NIN: variants seen among roughly 807,000 people sequenced by gnomAD.
NIN encodes ninein, also known as glycogen synthase kinase 3 beta-interacting protein.
In NIN, 137 loss-of-function variants were observed where a neutral mutation model predicts 257.6. That is an observed-to-expected ratio of 0.53 (90% CI 0.46 to 0.61). The LOEUF (loss-of-function observed/expected upper bound fraction) is 0.61. Among genes scored for constraint, NIN ranks in the 20% least tolerant of loss-of-function variants. The pLI is 0.00. For synonymous variants in NIN, 918 were observed against 919.8 expected, an observed-to-expected ratio of 1.00 and a Z score of 0.04; for missense variants, 2,439 against 2,501.2, an observed-to-expected ratio of 0.98 and a Z score of 0.53.
chr14:50,784,245 C>A (rs1013830495), intron 5 of NIN, among the ~76,000 whole-genome samples: 6 of 152,170 alleles, frequency 3.9e-5, no homozygotes, highest in African/African-American at 1.4e-4. Flanking sequence ...GACATGGAGT[C>A]ATATGCTTGG....
chr14:50,771,700 T>C (rs1222368035), intron 9 of NIN, among the ~76,000 whole-genome samples: 1 of 151,924 alleles, frequency 6.6e-6, no homozygotes, highest in Non-Finnish European at 1.5e-5. Context: ...AAAAAAATTA[T>C]CTTGGCCAGG....
chr14:50,794,954 T>C (rs10137294), intron 4 of NIN, among the ~76,000 whole-genome samples: 33,472 of 152,084 alleles, frequency 0.22, 5,154 homozygotes, highest in African/African-American at 0.44. Flanking sequence ...AGGTAACAGA[T>C]TGTGAGCCAG....
At chr14:50,826,421 C>T (rs116401618) in intron 2 of NIN, among the ~76,000 whole-genome samples, 1 of 152,164 alleles carries the variant, frequency 6.6e-6, no homozygotes, top group Non-Finnish European at 1.5e-5. Flanking sequence ...CACTCAATAA[C>T]CACCCATAAT....
intron 7 of NIN, among the ~76,000 whole-genome samples, chr14:50,775,157 C>T (rs999595586): frequency 6.6e-5 from 10 of 152,058 alleles, no homozygotes; most frequent in Non-Finnish European, 1.5e-4. Context: ...ATCTTACTGC[C>T]CATAAAATGG....
rs1484082290 is a variant in NIN, at chr14:50,757,388, A to G, written c.3642T>C (p.Cys1214=). ...QEQLMMLCAD[C]DRASEKKQDL... ...CCTGTTTCTTTTCAGAAGCTCGATC[A>G]CAGTCCGCACATAACATCATTAGCT... Residue 1214 remains cysteine, a synonymous_variant, in exon 18 of 31, where the codon TGT becomes TGC. Transcript: ENST00000530997. 8 of 1,614,022 alleles carry G rather than the reference A, an allele frequency of 5.0e-6. No homozygotes were observed. The highest frequency in any genetic ancestry group is 6.8e-6 in the Non-Finnish European group (8 of 1,180,042).
intron 4 of NIN, among the ~76,000 whole-genome samples, chr14:50,805,357 A>C (rs917568217): frequency 6.6e-6 from 1 of 152,218 alleles, no homozygotes; most frequent in Non-Finnish European, 1.5e-5. Flanking sequence ...TGGAAACGCT[A>C]ATGTTTGTCT....
chr14:50,752,731 A>T lies in NIN; in HGVS notation c.4737T>A (p.Ile1579=). The change falls in exon 21 of 31, where the codon ATT becomes ATA. Residue 1579 remains isoleucine, a splice_region_variant and synonymous_variant. Transcript: ENST00000530997. The part of the protein sequence containing the change: ...QKMVENLKKQ[I]SELKIKNQQL... ...GTTGGTTTTTGATTTTTAATTCTGA[A>T]ATCTAATTAAAATTAAAATAAGTTT... is the stretch of plus-strand genomic sequence containing the variant. 1.3e-6 allele frequency: 2 copies of T among 1,541,500 alleles called. No homozygotes were observed. The highest frequency in any genetic ancestry group is 8.8e-7 in the Non-Finnish European group (1 of 1,131,568).
intron 5 of NIN, among the ~76,000 whole-genome samples, chr14:50,791,807 G>GCACACACAAACACACACA (rs57083345): frequency 0.015 from 1,698 of 116,742 alleles, 14 homozygotes; most frequent in East Asian, 0.026. Context: ...AGGTGCACGC[G>GCACACACAAACACACACA]CACACACACA....
chr14:50,772,841 C>T, intron 8 of NIN, 108 bp downstream of exon 8: 3 of 911,694 alleles, frequency 3.3e-6, no homozygotes, highest in Admixed American at 2.8e-5. Flanking sequence ...TTTTGCTTCC[C>T]TCTCTTTCCT....
At chr14:50,812,185 G>A (rs1454884277) in intron 3 of NIN, among the ~76,000 whole-genome samples, 9 of 152,146 alleles carry the variant, frequency 5.9e-5, no homozygotes, top group Middle Eastern at 3.2e-3. Context: ...CGATATTATC[G>A]TAGGTTCATT....
At chr14:50,820,555 C>T (rs992661288) in intron 3 of NIN, among the ~76,000 whole-genome samples, 30 of 152,182 alleles carry the variant, frequency 2.0e-4, no homozygotes, top group African/African-American at 7.2e-4. Flanking sequence ...TTTTTGCTAC[C>T]CACAGAGTCT....
chr14:50,748,530 G>C (rs1377761650), intron 21 of NIN, among the ~76,000 whole-genome samples: 1 of 152,180 alleles, frequency 6.6e-6, no homozygotes, highest in African/African-American at 2.4e-5. Context: ...GGAAGTCAGA[G>C]TGTCTCTGTT....
Position 50,759,994 on chromosome 14 carries a change from C to T in NIN, c.2262G>A (p.Lys754=). Residue 754 remains lysine (K), a synonymous_variant, in exon 17 of 31, where the codon AAG becomes AAA. Coordinates refer to ENST00000530997, the MANE Select transcript of NIN (RefSeq NM_020921.4). The part of the protein sequence containing the change: ...GLQSSAWTEE[K]VRGLTQELEQ... ...CTAGTTCCTGAGTCAAGCCTCTCAC[C>T]TTCTCTTCTGTCCAGGCGCTACTCT... is the stretch of plus-strand genomic sequence containing the variant. 6.2e-7 allele frequency: 1 copy of T among 1,614,204 alleles called. No homozygotes were observed. Among genetic ancestry groups the T allele is most frequent in the Non-Finnish European group, 8.5e-7 (1 of 1,180,040 alleles).
intron 23 of NIN, 125 bp from the exon 24 acceptor site, chr14:50,743,654 G>C (rs185262650): frequency 1.7e-6 from 1 of 588,154 alleles, no homozygotes; most frequent in Non-Finnish European, 3.1e-6. Context: ...AGCAGGGCAA[G>C]GTCAAAGGAA....
intron 3 of NIN, among the ~76,000 whole-genome samples, chr14:50,815,541 T>A (rs1316425722): frequency 6.6e-6 from 1 of 152,196 alleles, no homozygotes; most frequent in African/African-American, 2.4e-5. Flanking sequence ...CATTACTAAG[T>A]ATATACCCAA....
chr14:50,765,348 T>C (rs953365141), intron 14 of NIN, among the ~76,000 whole-genome samples: 2 of 152,214 alleles, frequency 1.3e-5, no homozygotes, highest in Non-Finnish European at 2.9e-5. Flanking sequence ...AAAATACCTC[T>C]ATTTAATTAG....
chr14:50,805,127 A>C (rs2044264569), intron 4 of NIN, among the ~76,000 whole-genome samples: 1 of 152,256 alleles, frequency 6.6e-6, no homozygotes, highest in African/African-American at 2.4e-5. Context: ...ACATAAAAGC[A>C]CATTATCAGC....
intron 4 of NIN, among the ~76,000 whole-genome samples, chr14:50,793,542 T>C (rs1051181714): frequency 6.6e-6 from 1 of 152,016 alleles, no homozygotes. Context: ...GTAAAAAAAA[T>C]TGTATTATTT....
intron 25 of NIN, among the ~76,000 whole-genome samples, chr14:50,741,244 C>T (rs2041266353): frequency 6.6e-6 from 1 of 152,050 alleles, no homozygotes; most frequent in East Asian, 1.9e-4. Flanking sequence ...TCAACTCAGC[C>T]ATGGTCTTCT....
Sources: allele counts gnomAD v4.1 joint callset (sites outside exome capture counted in the v4.1 genomes callset), GRCh38; gene constraint gnomAD v4.1.1; transcripts MANE v1.5; gene names NCBI Gene and HGNC (gene_info 2026-07-23, HGNC 2026-07-21).